Variants in FAM135B observed in about 807,000 individuals in gnomAD.
The protein encoded by FAM135B is protein FAM135B.
A neutral mutation model predicts 127.7 loss-of-function variants in FAM135B; 43 were observed. The observed-to-expected ratio is 0.34, with a 90% CI of 0.26 to 0.43. The LOEUF is 0.43. Among genes scored for constraint, FAM135B ranks in the 20% least tolerant of loss-of-function variants. The pLI is 1.00. For synonymous variants in FAM135B, 670 were observed against 665.1 expected (o/e 1.01, Z -0.11); for missense variants, 1,558 against 1,725.6 (o/e 0.90, Z 1.72).
At chr8:138,357,090 G>T (rs1830135606) in intron 2 of FAM135B, among the ~76,000 whole-genome samples, 1 of 151,954 alleles carries the variant, frequency 6.6e-6, no homozygotes, top group African/African-American at 2.4e-5. Flanking sequence ...AAGACAAGCA[G>T]CAAGATGTAT....
At chr8:138,173,499 G>C (rs1186127602) in intron 11 of FAM135B, among the ~76,000 whole-genome samples, 2 of 152,208 alleles carry the variant, frequency 1.3e-5, no homozygotes. Flanking sequence ...GGTTTCCCTA[G>C]TTTCTTCTTC....
intron 1 of FAM135B, among the ~76,000 whole-genome samples, chr8:138,461,864 C>T (rs368719021): frequency 7.2e-5 from 11 of 152,152 alleles, no homozygotes; most frequent in African/African-American, 1.9e-4. Flanking sequence ...CTCTCTGTAT[C>T]GTTCAACCCA....
chr8:138,163,368 T>C (rs991719227), intron 12 of FAM135B, among the ~76,000 whole-genome samples: 1 of 152,090 alleles, frequency 6.6e-6, no homozygotes, highest in Non-Finnish European at 1.5e-5. Flanking sequence ...CAAAGACAGA[T>C]ATTGCAGCGT....
chr8:138,231,007 TTTTTA>T (rs911417383), intron 7 of FAM135B, among the ~76,000 whole-genome samples: 3 of 152,052 alleles, frequency 2.0e-5, no homozygotes, highest in African/African-American at 7.2e-5. Context: ...TATTATTTTA[TTTTTA>T]TTTTGTTTTA....
intron 9 of FAM135B, among the ~76,000 whole-genome samples, chr8:138,187,881 G>A (rs1815730928): frequency 6.6e-6 from 1 of 152,196 alleles, no homozygotes; most frequent in Admixed American, 6.5e-5. Flanking sequence ...GAAAGGAGAG[G>A]GGCTGGGGAC....
chr8:138,211,360 G>T (rs575551762), intron 7 of FAM135B, among the ~76,000 whole-genome samples: 1 of 152,142 alleles, frequency 6.6e-6, no homozygotes, highest in Non-Finnish European at 1.5e-5. Flanking sequence ...CAGATGCACC[G>T]ACAGAGGGGT....
chr8:138,224,940 G>A lies in FAM135B; in HGVS notation c.669+18002C>T, dbSNP rs142166517. 3.7e-3 allele frequency among the ~76,000 whole-genome samples: 566 copies of A among 152,196 alleles called. 5 individuals are homozygous for A. The highest frequency in any genetic ancestry group is 0.012 in the African/African-American group (507 of 41,534). ...CAGAGGTGGGGAGAACAGGAAAGGC[G>A]GGGATGGAAAAAAAAGGACAAATTG... is the stretch of plus-strand genomic sequence containing the variant. On this transcript the variant is annotated intron_variant, in intron 7 of 19. Transcript: ENST00000395297.
intron 3 of FAM135B, among the ~76,000 whole-genome samples, chr8:138,301,732 G>A (rs1825901948): frequency 6.6e-6 from 1 of 152,186 alleles, no homozygotes; most frequent in African/African-American, 2.4e-5. Context: ...ATATCTCTAA[G>A]TATCAAAAGA....
chr8:138,240,252 G>A (rs1043095448), intron 7 of FAM135B, among the ~76,000 whole-genome samples: 5 of 152,142 alleles, frequency 3.3e-5, no homozygotes, highest in African/African-American at 7.2e-5. Flanking sequence ...GCTTTCTACC[G>A]CATTGTAACA....
chr8:138,150,127 T>C (rs1818003632), intron 13 of FAM135B, among the ~76,000 whole-genome samples: 1 of 152,186 alleles, frequency 6.6e-6, no homozygotes, highest in African/African-American at 2.4e-5. Flanking sequence ...TTCTATTATA[T>C]ACATAATCAG....
chr8:138,234,549 G>T (rs1345803426), intron 7 of FAM135B, among the ~76,000 whole-genome samples: 1 of 152,164 alleles, frequency 6.6e-6, no homozygotes, highest in African/African-American at 2.4e-5. Context: ...TCTTAATAAA[G>T]AATGAAATCC....
chr8:138,203,546 G>A (rs1212616126), intron 7 of FAM135B, among the ~76,000 whole-genome samples: 12 of 152,146 alleles, frequency 7.9e-5, no homozygotes, highest in Non-Finnish European at 1.2e-4. Flanking sequence ...TCCACCTGCC[G>A]CTCCTGTCTG....
chr8:138,166,341 C>T (rs944463389), intron 12 of FAM135B, among the ~76,000 whole-genome samples: 1 of 152,228 alleles, frequency 6.6e-6, no homozygotes, highest in African/African-American at 2.4e-5. Flanking sequence ...CCACTCCCCA[C>T]TTGACCTCTC....
chr8:138,373,079 G>C (rs145688160), intron 1 of FAM135B, among the ~76,000 whole-genome samples: 46 of 152,294 alleles, frequency 3.0e-4, no homozygotes, highest in Admixed American at 6.5e-4. Flanking sequence ...AGAGGCAGAG[G>C]TTAGGCTAGA....
chr8:138,488,873 G>A (rs997084483), intron 1 of FAM135B, among the ~76,000 whole-genome samples: 4 of 152,146 alleles, frequency 2.6e-5, no homozygotes, highest in Non-Finnish European at 5.9e-5. Context: ...CACCATGTTG[G>A]CCAGTATGGT....
intron 1 of FAM135B, among the ~76,000 whole-genome samples, chr8:138,460,812 G>T (rs976976654): frequency 6.6e-6 from 1 of 152,124 alleles, no homozygotes; most frequent in African/African-American, 2.4e-5. Flanking sequence ...GGGAGCTGTG[G>T]TCATTCTACT....
intron 1 of FAM135B, among the ~76,000 whole-genome samples, chr8:138,492,652 G>T (rs956666988): frequency 2.6e-5 from 4 of 152,024 alleles, no homozygotes; most frequent in African/African-American, 9.7e-5. Flanking sequence ...CCAGCCCTGC[G>T]GTTCCTTTCT....
chr8:138,175,370 C>G (rs919117910), intron 11 of FAM135B, among the ~76,000 whole-genome samples: 1 of 151,840 alleles, frequency 6.6e-6, no homozygotes, highest in Non-Finnish European at 1.5e-5. Flanking sequence ...TTTATGACAA[C>G]TATTCTGTCT....
intron 1 of FAM135B, among the ~76,000 whole-genome samples, chr8:138,417,540 C>T (rs1280413624): frequency 6.6e-6 from 1 of 152,224 alleles, no homozygotes; most frequent in Non-Finnish European, 1.5e-5. Flanking sequence ...CACTGCCCTG[C>T]TGAAGCATGC....
Sources: gnomAD v4.1 joint callset for allele counts (sites outside exome capture counted in the v4.1 genomes callset) on GRCh38, gnomAD v4.1.1 for gene constraint, MANE v1.5 for transcripts, NCBI Gene and HGNC (gene_info 2026-07-23, HGNC 2026-07-21) for gene names.